The following PPRC1 variants were observed in gnomAD, a reference collection of about 807,000 sequenced individuals.
PPRC1 encodes peroxisome proliferator-activated receptor gamma coactivator-related protein 1.
In PPRC1, 23 loss-of-function variants were observed where a neutral mutation model predicts 132.5. That is an observed-to-expected ratio of 0.17 (90% CI 0.12 to 0.25). The LOEUF (loss-of-function observed/expected upper bound fraction) is 0.25, where lower values mean the gene tolerates loss of function less well. PPRC1 is among the 10% of genes least tolerant of loss of function. The pLI is 1.00. For missense variants in PPRC1, 2,006 were observed against 2,089.1 expected, an observed-to-expected ratio of 0.96 and a Z score of 0.78; for synonymous variants, 872 against 833.5, an observed-to-expected ratio of 1.05 and a Z score of -0.80.
upstream of PPRC1, among the ~76,000 whole-genome samples, chr10:102,128,527 G>A (rs553588732): frequency 1.6e-4 from 25 of 151,994 alleles, no homozygotes; most frequent in African/African-American, 4.8e-4. Flanking sequence ...CCCAGAGCAA[G>A]AGATCCAAAA....
chr10:102,126,082 G>A, the PPRC1 span, among the ~76,000 whole-genome samples: 1 of 151,948 alleles, frequency 6.6e-6, no homozygotes, highest in African/African-American at 2.4e-5. Context: ...GGCTCATCTC[G>A]AATTCCTGAC....
Position 102,145,002 on chromosome 10 carries a change from C to T in PPRC1, c.3609-18C>T. 4 of 1,467,022 alleles carry T rather than the reference C, an allele frequency of 2.7e-6. No homozygotes were observed. The highest frequency in any genetic ancestry group is 3.6e-6 in the Non-Finnish European group (4 of 1,108,120). The allele number at this position is 1,467,022 out of a possible 1,614,324, so 90.9% of individuals were successfully genotyped here. A position where few individuals can be genotyped will look rare whatever the true frequency, so the allele number is the denominator to read the frequency against. Reference sequence around the variant, plus strand: ...GAGAAGGCAATGAATCAGGCTTTCCCTTTTCCCCCCCCGCCAGCGGCGTTG... The same window carrying T: ...GAGAAGGCAATGAATCAGGCTTTCCTTTTTCCCCCCCCGCCAGCGGCGTTG... On this transcript the variant is annotated intron_variant, in intron 7 of 13. Transcript: ENST00000278070.
In PPRC1 at chr10:102,140,855, C is replaced by G; in HGVS notation, c.2347C>G (p.Pro783Ala). The change falls in exon 5 of 14, where the codon CCA becomes GCA. Residue 783 changes from proline (P) to alanine (A), a missense_variant. Around this residue, in one of 2 missense-constraint regions of PPRC1, gnomAD observed 1,914 missense variants for 1,917.2 expected, o/e 1.00. Transcript: ENST00000278070. ...QPPTGKWPSL[P>A]ETPTGLADIP... is the part of the protein sequence containing the mutation. ...CCCAACTGGGAAGTGGCCTAGCCTT[C>G]CAGAGACTCCCACAGGGCTGGCAGA... 1 of 1,614,086 alleles carries G rather than the reference C, an allele frequency of 6.2e-7. No individual in the cohort carries two copies. Among genetic ancestry groups the G allele is most frequent in the Non-Finnish European group, 8.5e-7 (1 of 1,180,026 alleles).
intron 7 of PPRC1, 51 bp downstream of exon 7, chr10:102,144,358 G>A (rs769977612): frequency 2.4e-5 from 37 of 1,546,992 alleles, no homozygotes; most frequent in Admixed American, 6.7e-5. Context: ...GTCAGCAGCC[G>A]GCTGACACTC....
rs1234291184 is a variant in PPRC1, at chr10:102,134,086, T to C, written c.153+865T>C. On this transcript the variant is annotated intron_variant, in intron 1 of 13. Transcript: ENST00000278070. ...TGGGGTGGGTTGTGAGTCACGGGCA[T>C]TGGCGTTTTGGTTGCCTTGCAGTCT... Among the ~76,000 whole-genome samples the C allele has an allele frequency of 3.3e-5, 5 of 152,056 alleles. No individual in the cohort carries two copies. In the South Asian group the frequency reaches 6.2e-4, roughly 19 times the overall value.
At position 102,139,768 on chromosome 10, in the gene PPRC1, G is replaced by A; in HGVS notation, c.1260G>A (p.Glu420=). 3 of 1,614,190 alleles carry A rather than the reference G, an allele frequency of 1.9e-6. No homozygotes were observed. Among genetic ancestry groups the A allele is most frequent in the Non-Finnish European group, 2.5e-6 (3 of 1,180,044 alleles). ...AGGGGTTGTCATTGAACTCAGAGGA[G>A]AAGCTGGACTCAGCCTGCTTATTGA... ...EKEGLSLNSE[E]KLDSACLLKP... Residue 420 remains glutamate (E), a synonymous_variant, in exon 5 of 14, where the codon GAG becomes GAA. Transcript: ENST00000278070.
At chr10:102,132,054 ATAT>A (rs765860257), upstream of PPRC1, among the ~76,000 whole-genome samples, 7 of 152,244 alleles carry the variant, frequency 4.6e-5, no homozygotes, top group Non-Finnish European at 8.8e-5. Flanking sequence ...GTGGATTAAC[ATAT>A]TGTTACATAA....
In PPRC1 at chr10:102,138,575, A is replaced by T. The variant is rs780321600; in HGVS notation, c.343-44A>T. On this transcript the variant is annotated intron_variant, in intron 2 of 13. Transcript: ENST00000278070. ...CCAGTCCTTAGTGGCATAGTAGGTCATTAGGGATGTTGGTAGGACCTTCTG... is the reference window on the plus strand; with the variant it reads ...CCAGTCCTTAGTGGCATAGTAGGTCTTTAGGGATGTTGGTAGGACCTTCTG... The T allele has an allele frequency of 1.6e-5, 26 of 1,604,098 alleles. No individual in the cohort carries two copies. The African/African-American group carries it at 3.2e-4, about 20-fold the overall frequency.
At chr10:102,125,441 G>A in the PPRC1 span, among the ~76,000 whole-genome samples, 1 of 151,784 alleles carries the variant, frequency 6.6e-6, no homozygotes, top group Non-Finnish European at 1.5e-5. Flanking sequence ...TTGTATTTTA[G>A]TAGAGACGGG....
chr10:102,140,099 G>A lies in PPRC1; in HGVS notation c.1591G>A (p.Ala531Thr). 2.5e-6 allele frequency: 4 copies of A among 1,614,246 alleles called. No individual in the cohort carries two copies. The highest frequency in any genetic ancestry group is 3.4e-6 in the Non-Finnish European group (4 of 1,180,046). The part of the protein sequence containing the change: ...PRAWARAWAA[A>T]LENSSPKNLE... Reference sequence around the variant, plus strand: ...GGCTTGGGCTCGGGCCTGGGCAGCTGCCTTGGAGAATTCTAGCCCTAAGAA... The same window carrying A: ...GGCTTGGGCTCGGGCCTGGGCAGCTACCTTGGAGAATTCTAGCCCTAAGAA... Residue 531 changes from alanine to threonine, a missense_variant, in exon 5 of 14, where the codon GCC (alanine) becomes ACC (threonine). This residue lies in a region of PPRC1 where 1,914 missense variants were observed against 1,917.2 expected (regional missense o/e 1.00). Transcript: ENST00000278070.
Position 102,150,303 on chromosome 10 carries a change from CTAA to C in PPRC1, c.*278_*280del, listed in dbSNP as rs2069453779. Reference sequence around the variant, plus strand: ...TTTGGAACATAAGTCACTATGCAGACTAATAAACATCAACTAGAGAGAACTCCC... The same window carrying C: ...TTTGGAACATAAGTCACTATGCAGACTAAACATCAACTAGAGAGAACTCCC... On this transcript the variant is annotated 3_prime_UTR_variant, in exon 14 of 14. Transcript: ENST00000278070. 3.3e-6 allele frequency: 1 copy of C among 303,400 alleles called. No homozygotes were observed. Among genetic ancestry groups the C allele is most frequent in the African/African-American group, 2.1e-5 (1 of 47,140 alleles). 18.8% of individuals were successfully genotyped at this position (303,400 alleles called of 1,614,324 possible). A position where few individuals can be genotyped will look rare whatever the true frequency, so the allele number is the denominator to read the frequency against.
Position 102,138,761 on chromosome 10 carries a change from C to T in PPRC1, c.485C>T (p.Ser162Phe), listed in dbSNP as rs1277894056. ...CTGCTTGTGTCACCCCGGGAGGGCT[C>T]CTCTGTGAGTGTGGGACCAGGGGAA... ...SELLVSPREG[S>F]SLHKLLTLSR... Residue 162 changes from serine (S) to phenylalanine (F), a missense_variant, in exon 3 of 14, where the codon TCC (serine) becomes TTC (phenylalanine). Around this residue, in one of 2 missense-constraint regions of PPRC1, gnomAD observed 1,914 missense variants for 1,917.2 expected, o/e 1.00. Coordinates refer to ENST00000278070, the MANE Select transcript of PPRC1 (RefSeq NM_015062.5). 6.2e-7 allele frequency: 1 copy of T among 1,614,132 alleles called. No homozygotes were observed. Among genetic ancestry groups the T allele is most frequent in the East Asian group, 2.2e-5 (1 of 44,886 alleles).
In PPRC1 at chr10:102,146,762, C is replaced by T. The variant is rs1030674300; in HGVS notation, c.3770C>T (p.Thr1257Ile). 3 of 1,614,004 alleles carry T rather than the reference C, an allele frequency of 1.9e-6. No homozygotes were observed. Among genetic ancestry groups the T allele is most frequent in the Non-Finnish European group, 2.5e-6 (3 of 1,180,022 alleles). The change falls in exon 9 of 14, where the codon ACC (threonine) becomes ATC (isoleucine). Residue 1257 changes from threonine (T) to isoleucine (I), a missense_variant. Physicochemically the swap from Thr to Ile is moderately conservative, Grantham distance 89. This residue lies in a region of PPRC1 where 1,914 missense variants were observed against 1,917.2 expected (regional missense o/e 1.00). Transcript: ENST00000278070. ...GCCAAAGCCAAATCTCCTAAGTCCA[C>T]CGCCCAGGAGGGAACCCTGAAGCCT... is the stretch of plus-strand genomic sequence containing the variant. The part of the protein sequence containing the change: ...LLAKAKSPKS[T>I]AQEGTLKPEG...
chr10:102,142,117 T>C (rs2069010486), intron 5 of PPRC1, 113 bp downstream of exon 5: 1 of 1,304,080 alleles, frequency 7.7e-7, no homozygotes, highest in African/African-American at 1.5e-5. Flanking sequence ...GAGGAGTTTT[T>C]TTGTTTTTAT....
At chr10:102,131,345 C>T (rs1328123798), upstream of PPRC1, among the ~76,000 whole-genome samples, 1 of 151,446 alleles carries the variant, frequency 6.6e-6, no homozygotes, top group Non-Finnish European at 1.5e-5. Flanking sequence ...CACCGCACTC[C>T]ACACTGCAGC....
chr10:102,146,385 C>T (rs74155224), intron 8 of PPRC1, among the ~76,000 whole-genome samples: 24 of 152,082 alleles, frequency 1.6e-4, no homozygotes, highest in African/African-American at 5.5e-4. Context: ...GGGGAAGGGG[C>T]GGATCTGAGA....
At chr10:102,131,759 G>A (rs2068546868), upstream of PPRC1, among the ~76,000 whole-genome samples, 1 of 152,192 alleles carries the variant, frequency 6.6e-6, no homozygotes, top group Non-Finnish European at 1.5e-5. Flanking sequence ...CTGGGTTCAA[G>A]CAATCCTCCT....
At chr10:102,129,643 G>A (rs770878818), upstream of PPRC1, among the ~76,000 whole-genome samples, 1 of 151,430 alleles carries the variant, frequency 6.6e-6, no homozygotes. Flanking sequence ...TCGCCCCGTC[G>A]CCCAGGCTGG....
rs777762516 is a variant in PPRC1, at chr10:102,141,776, G to A, written c.3268G>A (p.Val1090Met). ...KALACVSAEG[V>M]TVEEPASERL... ...TCTAGCATGTGTGTCTGCTGAAGGT[G>A]TGACTGTTGAGGAGCCTGCATCAGA... is the stretch of plus-strand genomic sequence containing the variant. Residue 1090 changes from valine (V) to methionine (M), a missense_variant, in exon 5 of 14, where the codon GTG becomes ATG. Around this residue, in one of 2 missense-constraint regions of PPRC1, gnomAD observed 1,914 missense variants for 1,917.2 expected, o/e 1.00. Transcript: ENST00000278070. 7.4e-6 allele frequency: 12 copies of A among 1,613,684 alleles called. No homozygotes were observed. Among genetic ancestry groups the A allele is most frequent in the Admixed American group, 3.3e-5 (2 of 59,934 alleles).
Sources: allele counts gnomAD v4.1 joint callset (sites outside exome capture counted in the v4.1 genomes callset), GRCh38; gene constraint gnomAD v4.1.1; regional missense constraint gnomAD v4.1.1; transcripts MANE v1.5; gene names NCBI Gene and HGNC (gene_info 2026-07-23, HGNC 2026-07-21).